Variants in LRRC4C observed in about 807,000 individuals in gnomAD.
LRRC4C encodes leucine rich repeat containing 4C.
In LRRC4C, 5 loss-of-function variants were observed where a neutral mutation model predicts 33.6. The observed-to-expected ratio is 0.15, with a 90% CI of 0.08 to 0.31. The LOEUF is 0.31. Ranked by LOEUF, LRRC4C falls within the 10% of genes least tolerant of loss-of-function variation. The pLI is 1.00. For synonymous variants in LRRC4C, 329 were observed against 302.0 expected (o/e 1.09, Z -0.93); for missense variants, 560 against 796.7 (o/e 0.70, Z 3.58).
At chr11:40,434,193 G>T (rs1431208200) in intron 3 of LRRC4C, among the ~76,000 whole-genome samples, 1 of 152,054 alleles carries the variant, frequency 6.6e-6, no homozygotes, top group Non-Finnish European at 1.5e-5. Flanking sequence ...TGCCATTTAG[G>T]GTTAGTGGCT....
intron 1 of LRRC4C, among the ~76,000 whole-genome samples, chr11:41,191,431 A>G (rs1945942014): frequency 6.6e-6 from 1 of 152,180 alleles, no homozygotes; most frequent in African/African-American, 2.4e-5. Flanking sequence ...CAATTTAACT[A>G]AACTCATCTG....
At chr11:40,945,245 C>T (rs945771981) in intron 1 of LRRC4C, among the ~76,000 whole-genome samples, 1 of 140,632 alleles carries the variant, frequency 7.1e-6, no homozygotes, top group Non-Finnish European at 1.6e-5. Flanking sequence ...TGGTCTCGAT[C>T]TCCTGACCTC....
chr11:41,173,796 A>G (rs1425402653), intron 1 of LRRC4C, among the ~76,000 whole-genome samples: 1 of 152,172 alleles, frequency 6.6e-6, no homozygotes, highest in African/African-American at 2.4e-5. Flanking sequence ...CTCTAACTTC[A>G]GTGCATGACT....
chr11:40,465,339 C>T (rs1452323213), intron 3 of LRRC4C, among the ~76,000 whole-genome samples: 1 of 151,900 alleles, frequency 6.6e-6, no homozygotes, highest in African/African-American at 2.4e-5. Flanking sequence ...AGATGTAAGA[C>T]CTGAAACTGT....
chr11:40,688,834 G>A (rs1555145490), intron 2 of LRRC4C, among the ~76,000 whole-genome samples: 2 of 152,182 alleles, frequency 1.3e-5, no homozygotes, highest in Non-Finnish European at 2.9e-5. Context: ...TCTGCAAAGA[G>A]AGCAAGCAAT....
chr11:41,135,593 A>G (rs183272079), intron 1 of LRRC4C, among the ~76,000 whole-genome samples: 1 of 152,260 alleles, frequency 6.6e-6, no homozygotes, highest in African/African-American at 2.4e-5. Flanking sequence ...CATATACATT[A>G]ATGTTGTATG....
At chr11:40,460,046 G>A (rs1952319177) in intron 3 of LRRC4C, among the ~76,000 whole-genome samples, 1 of 152,138 alleles carries the variant, frequency 6.6e-6, no homozygotes, top group Admixed American at 6.6e-5. Flanking sequence ...ACAGAAAGCA[G>A]CAAGACAATT....
At chr11:41,307,348 C>T (rs1446215601) in intron 1 of LRRC4C, among the ~76,000 whole-genome samples, 6 of 152,076 alleles carry the variant, frequency 3.9e-5, no homozygotes, top group Non-Finnish European at 5.9e-5. Flanking sequence ...ACGTCAGGAG[C>T]CCTATAAAAA....
chr11:40,585,441 T>C (rs1002336826), intron 3 of LRRC4C, among the ~76,000 whole-genome samples: 4 of 151,954 alleles, frequency 2.6e-5, no homozygotes, highest in Non-Finnish European at 5.9e-5. Context: ...AAAAAAGACA[T>C]TGAGTGTGTT....
At chr11:41,077,731 T>C (rs1472880709) in intron 1 of LRRC4C, among the ~76,000 whole-genome samples, 1 of 152,224 alleles carries the variant, frequency 6.6e-6, no homozygotes, top group East Asian at 1.9e-4. Context: ...CTGCTCCTCA[T>C]TACCTATGCA....
At chr11:40,834,911 G>GACACACACACACAC (rs10682975) in intron 2 of LRRC4C, among the ~76,000 whole-genome samples, 143 of 84,884 alleles carry the variant, frequency 1.7e-3, no homozygotes, top group Non-Finnish European at 2.0e-3. Flanking sequence ...CAGACAGACA[G>GACACACACACACAC]ACACACACAC....
At chr11:41,217,642 T>C (rs1437686512) in intron 1 of LRRC4C, among the ~76,000 whole-genome samples, 1 of 152,170 alleles carries the variant, frequency 6.6e-6, no homozygotes. Context: ...TTGGCTATAG[T>C]GCCAAAAATT....
chr11:41,057,345 G>T (rs1417489604), intron 1 of LRRC4C, among the ~76,000 whole-genome samples: 1 of 152,226 alleles, frequency 6.6e-6, no homozygotes, highest in Non-Finnish European at 1.5e-5. Flanking sequence ...AGCATAGGAG[G>T]GAAGCTGAGC....
intron 2 of LRRC4C, among the ~76,000 whole-genome samples, chr11:40,747,613 TA>T (rs1211043556): frequency 6.6e-6 from 1 of 151,850 alleles, no homozygotes; most frequent in Non-Finnish European, 1.5e-5. Flanking sequence ...TTATTTATTC[TA>T]AAAAAGCTAG....
intron 1 of LRRC4C, among the ~76,000 whole-genome samples, chr11:41,181,624 G>A (rs932021968): frequency 1.3e-5 from 2 of 152,154 alleles, no homozygotes; most frequent in Non-Finnish European, 2.9e-5. Flanking sequence ...GATATCCTCA[G>A]AGTATTACAG....
rs376187811 is a variant in LRRC4C, at chr11:40,421,633, C to T, written c.-269-101912G>A. On this transcript the variant is annotated intron_variant, in intron 3 of 6. Transcript: ENST00000528697. The stretch of plus-strand genomic sequence containing the variant: ...GCCTTTCTCTGGCTGATCTGCCCCA[C>T]TCATCGACCCACAACTTTTTCTTTT... Among the ~76,000 whole-genome samples, 26 of 152,330 alleles carry T rather than the reference C, an allele frequency of 1.7e-4. 1 individual carries two copies. In the East Asian group the frequency reaches 5.0e-3, roughly 29 times the overall value.
intron 3 of LRRC4C, among the ~76,000 whole-genome samples, chr11:40,539,390 G>A (rs1008295337): frequency 6.6e-6 from 1 of 151,994 alleles, no homozygotes; most frequent in Non-Finnish European, 1.5e-5. Flanking sequence ...CTATCTGCTA[G>A]AATCCTAAAG....
At chr11:40,957,794 C>T (rs138814073) in intron 1 of LRRC4C, among the ~76,000 whole-genome samples, 13 of 151,736 alleles carry the variant, frequency 8.6e-5, no homozygotes, top group South Asian at 2.1e-4. Context: ...GTTTCCAATG[C>T]AGATTTCTGC....
chr11:41,069,392 T>G (rs1234241900), intron 1 of LRRC4C, among the ~76,000 whole-genome samples: 1 of 152,150 alleles, frequency 6.6e-6, no homozygotes. Flanking sequence ...CCACTCCTAT[T>G]CAATTTAGTA....
Sources: allele counts gnomAD v4.1 joint callset (sites outside exome capture counted in the v4.1 genomes callset), GRCh38; gene constraint gnomAD v4.1.1; transcripts MANE v1.5; gene names NCBI Gene and HGNC (gene_info 2026-07-23, HGNC 2026-07-21).